Variants in DDX42 observed in about 807,000 individuals in gnomAD.
DDX42 encodes DEAD-box helicase 42, also known as ATP-dependent RNA helicase DDX42.
Under a neutral mutation model 101.5 loss-of-function variants are expected in DDX42, and 22 were observed. That is an observed-to-expected ratio of 0.22 (90% CI 0.15 to 0.31). The LOEUF is 0.31. Among genes scored for constraint, DDX42 ranks in the 10% least tolerant of loss-of-function variants. DDX42 has a pLI of 1.00. For missense variants in DDX42, 849 were observed against 1,199.9 expected, an observed-to-expected ratio of 0.71 and a Z score of 4.32; for synonymous variants, 402 against 401.2, an observed-to-expected ratio of 1.00 and a Z score of -0.02.
intron 13 of DDX42, 97 bp from the exon 14 acceptor site, chr17:63,811,835 G>A: frequency 6.7e-7 from 1 of 1,494,758 alleles, no homozygotes; most frequent in African/African-American, 1.6e-5. Flanking sequence ...ATTGTTCAAG[G>A]TCTTCTCGAT....
At chr17:63,799,469 GTTA>G (rs758775321) in intron 4 of DDX42, 117 bp from the exon 5 acceptor site, 40 of 1,044,292 alleles carry the variant, frequency 3.8e-5, no homozygotes, top group Admixed American at 4.2e-5. Flanking sequence ...TTGCTGCTTT[GTTA>G]TTATTAGTGT....
In DDX42 at chr17:63,787,519, T is replaced by C. The variant is rs545231981; in HGVS notation, c.221+249T>C. ...TACGTCCTACTGGGCTGTTGCTCACTGTGGGATTAGAAGCCATTGAAACAG... is the reference window on the plus strand; with the variant it reads ...TACGTCCTACTGGGCTGTTGCTCACCGTGGGATTAGAAGCCATTGAAACAG... On this transcript the variant is annotated intron_variant, in intron 2 of 17. Transcript: ENST00000389924. 3.9e-5 allele frequency among the ~76,000 whole-genome samples: 6 copies of C among 152,336 alleles called. No individual in the cohort carries two copies. The South Asian group carries it at 8.3e-4, about 21-fold the overall frequency.
At chr17:63,794,657 C>T (rs892033380) in intron 3 of DDX42, among the ~76,000 whole-genome samples, 6 of 151,296 alleles carry the variant, frequency 4.0e-5, no homozygotes, top group Non-Finnish European at 7.4e-5. Flanking sequence ...AAAATTTGGC[C>T]GGGCACAGTG....
chr17:63,809,164 A>G (rs776285281), intron 10 of DDX42, among the ~76,000 whole-genome samples: 1 of 152,162 alleles, frequency 6.6e-6, no homozygotes, highest in Non-Finnish European at 1.5e-5. Flanking sequence ...ATTCCCCTCT[A>G]TGTCAAATAG....
At chr17:63,805,321 G>T (rs1044289827) in intron 7 of DDX42, 146 bp downstream of exon 7, 11 of 949,900 alleles carry the variant, frequency 1.2e-5, no homozygotes, top group Non-Finnish European at 1.4e-5. Context: ...TATCCCTTCT[G>T]TTCATGTCTC....
intron 5 of DDX42, 82 bp downstream of exon 5, chr17:63,799,707 C>G (rs368875174): frequency 3.4e-5 from 47 of 1,391,270 alleles, no homozygotes; most frequent in Non-Finnish European, 4.3e-5. Flanking sequence ...TGCCTTCACT[C>G]AAAATGGCCA....
In DDX42 at chr17:63,810,577, T is replaced by C; in HGVS notation, c.1300+17T>C. The C allele has an allele frequency of 6.2e-7, 1 of 1,613,760 alleles. No individual in the cohort carries two copies. The highest frequency in any genetic ancestry group is 1.1e-5 in the South Asian group (1 of 91,050). ...ACAGGCAGAGTATGTATGAAGCACC[T>C]TTGTTAAACCAAATTTGTACTAAAA... On this transcript the variant is annotated intron_variant, in intron 12 of 17. Coordinates refer to ENST00000389924, the MANE Select transcript of DDX42 (RefSeq NM_203499.3).
At chr17:63,797,118 G>A (rs780680699) in intron 3 of DDX42, among the ~76,000 whole-genome samples, 10 of 151,870 alleles carry the variant, frequency 6.6e-5, no homozygotes, top group East Asian at 1.9e-4. Context: ...TGCCTAGGCC[G>A]GGCGCGGTGG....
Position 63,812,004 on chromosome 17 carries a change from C to T in DDX42, c.1471C>T (p.Arg491Cys), listed in dbSNP as rs1230987345. The T allele has an allele frequency of 4.3e-6, 7 of 1,614,070 alleles. No individual in the cohort carries two copies. The highest frequency in any genetic ancestry group is 5.9e-6 in the Non-Finnish European group (7 of 1,180,058). ...TAGTAAATGGAACTGGCTTACCCGGCGTCTGGTAGAATTTACCTCTTCAGG... is the reference window on the plus strand; with the variant it reads ...TAGTAAATGGAACTGGCTTACCCGGTGTCTGGTAGAATTTACCTCTTCAGG... ...GPSKWNWLTR[R>C]LVEFTSSGSV... Residue 491 changes from arginine to cysteine, a missense_variant, in exon 14 of 18, where the codon CGT (arginine) becomes TGT (cysteine). Physicochemically the swap from Arg to Cys is radical, Grantham distance 180. This residue lies in a region of DDX42 where 370 missense variants were observed against 608.8 expected (regional missense o/e 0.61). Transcript: ENST00000389924.
At chr17:63,807,985 CT>C (rs931223230) in intron 9 of DDX42, 85 bp downstream of exon 9, 7,013 of 1,220,716 alleles carry the variant, frequency 5.7e-3, no homozygotes, top group South Asian at 7.8e-3. Flanking sequence ...GACCAGGAAA[CT>C]TTTTTTTTTA....
intron 2 of DDX42, among the ~76,000 whole-genome samples, chr17:63,792,032 GAAAACCCCGTCTCAAAAAAAA>G (rs1184943208): frequency 6.9e-6 from 1 of 145,098 alleles, no homozygotes; most frequent in Non-Finnish European, 1.5e-5. Flanking sequence ...GGGCGATGAG[GAAAACCCCGTCTCAAAAAAAA>G]AAAAAAGTTT....
In DDX42 at chr17:63,788,825, C is replaced by T. The variant is rs553814104; in HGVS notation, c.221+1555C>T. Among the ~76,000 whole-genome samples, 3 of 152,202 alleles carry T rather than the reference C, an allele frequency of 2.0e-5. No individual in the cohort carries two copies. The South Asian group carries it at 6.2e-4, about 32-fold the overall frequency. On this transcript the variant is annotated intron_variant, in intron 2 of 17. Coordinates refer to ENST00000389924, the MANE Select transcript of DDX42 (RefSeq NM_203499.3). Reference sequence around the variant, plus strand: ...CTCTCTTTGCTGAATCTGAAGAAATCTCTTGTTGCTATTATTTCCAAGCTG... The same window carrying T: ...CTCTCTTTGCTGAATCTGAAGAAATTTCTTGTTGCTATTATTTCCAAGCTG...
chr17:63,787,906 T>TTTG (rs1360005605), intron 2 of DDX42, among the ~76,000 whole-genome samples: 700 of 34,064 alleles, frequency 0.021, 4 homozygotes, highest in Non-Finnish European at 0.021. Flanking sequence ...ATTCATGTGG[T>TTTG]TTTTTTTTTT....
At position 63,787,142 on chromosome 17, in the gene DDX42, C is replaced by G; in HGVS notation, c.93C>G (p.Leu31=). 6.2e-7 allele frequency: 1 copy of G among 1,614,178 alleles called. No homozygotes were observed. ...ISAGKKEEPK[L]PQQSHSAFGA... is the part of the protein sequence containing the mutation. ...CTGGGAAAAAGGAGGAACCCAAACT[C>G]CCACAGCAGTCCCACAGTGCCTTTG... is the stretch of plus-strand genomic sequence containing the variant. The change falls in exon 2 of 18, where the codon CTC becomes CTG. Residue 31 remains leucine (L), a synonymous_variant. Transcript: ENST00000389924.
chr17:63,815,492 CTT>C, intron 15 of DDX42, 69 bp from the exon 16 acceptor site: 1 of 1,202,898 alleles, frequency 8.3e-7, no homozygotes, highest in African/African-American at 1.5e-5. Context: ...TTAATTTCCT[CTT>C]TGTCCTCGTT....
Position 63,788,530 on chromosome 17 carries a change from T to C in DDX42, c.221+1260T>C, listed in dbSNP as rs377543428. On this transcript the variant is annotated intron_variant, in intron 2 of 17. Transcript: ENST00000389924. ...ACCGTGTTAGCCACAATGGTCTCAA[T>C]CTCCTGACCTCATGATCCGCCCGCC... Among the ~76,000 whole-genome samples, 15 of 149,270 alleles carry C rather than the reference T, an allele frequency of 1.0e-4. 1 individual carries two copies. The East Asian group carries it at 2.7e-3, about 27-fold the overall frequency.
At chr17:63,790,738 C>T (rs2039617217) in intron 2 of DDX42, among the ~76,000 whole-genome samples, 1 of 152,056 alleles carries the variant, frequency 6.6e-6, no homozygotes, top group African/African-American at 2.4e-5. Flanking sequence ...CCAGCCTGGG[C>T]GACAGAGCAA....
chr17:63,780,597 A>G (rs556613286), intron 1 of DDX42, among the ~76,000 whole-genome samples: 1 of 152,284 alleles, frequency 6.6e-6, no homozygotes, highest in African/African-American at 2.4e-5. Context: ...GTATATAGAA[A>G]GCACAGTTCC....
intron 4 of DDX42, among the ~76,000 whole-genome samples, chr17:63,798,760 G>T (rs1197754277): frequency 6.6e-6 from 1 of 152,192 alleles, no homozygotes; most frequent in Non-Finnish European, 1.5e-5. Flanking sequence ...TTTTCTGCCA[G>T]TCATGATTGG....
Sources: allele counts gnomAD v4.1 joint callset (sites outside exome capture counted in the v4.1 genomes callset), GRCh38; gene constraint gnomAD v4.1.1; regional missense constraint gnomAD v4.1.1; transcripts MANE v1.5; gene names NCBI Gene and HGNC (gene_info 2026-07-23, HGNC 2026-07-21).